The following SPOCK3 variants were observed in gnomAD, a reference collection of about 807,000 sequenced individuals.
SPOCK3 encodes SPARC (osteonectin), cwcv and kazal like domains proteoglycan 3, also known as testican-3.
SPOCK3 carries 30 observed loss-of-function variants against 56.6 expected under a neutral mutation model. That is an observed-to-expected ratio of 0.53 (90% confidence interval 0.40 to 0.72). SPOCK3 has a LOEUF of 0.72. Among genes scored for constraint, SPOCK3 ranks in the 30% least tolerant of loss-of-function variants. The pLI is 0.00. For synonymous variants in SPOCK3, 196 were observed against 183.3 expected, an observed-to-expected ratio of 1.07 and a Z score of -0.56; for missense variants, 527 against 530.0, an observed-to-expected ratio of 0.99 and a Z score of 0.06.
intron 4 of SPOCK3, among the ~76,000 whole-genome samples, chr4:166,930,481 C>A (rs1025302565): frequency 3.1e-5 from 4 of 126,992 alleles, no homozygotes; most frequent in African/African-American, 6.9e-5. Flanking sequence ...CAGTATTCTA[C>A]CCTTGTTAAA....
intron 3 of SPOCK3, among the ~76,000 whole-genome samples, chr4:167,015,344 A>T (rs1750516417): frequency 6.6e-6 from 1 of 152,162 alleles, no homozygotes; most frequent in Admixed American, 6.6e-5. Flanking sequence ...TAAAACTGAG[A>T]CTATTTTGTA....
chr4:167,030,956 G>T (rs548838664), intron 3 of SPOCK3, among the ~76,000 whole-genome samples: 1 of 151,996 alleles, frequency 6.6e-6, no homozygotes, highest in African/African-American at 2.4e-5. Flanking sequence ...CCGTCTGTGA[G>T]ATATTTGTCA....
chr4:167,073,248 A>G (rs948437302), intron 2 of SPOCK3, among the ~76,000 whole-genome samples: 9 of 151,716 alleles, frequency 5.9e-5, no homozygotes, highest in Non-Finnish European at 1.0e-4. Context: ...TATATCATCA[A>G]ATATAAATAC....
At position 166,810,038 on chromosome 4, in the gene SPOCK3, T is replaced by A. The variant is rs565096671; in HGVS notation, c.590-17749A>T. Among the ~76,000 whole-genome samples, 4 of 152,224 alleles carry A rather than the reference T, an allele frequency of 2.6e-5. No individual in the cohort carries two copies. The South Asian group carries it at 8.3e-4, about 32-fold the overall frequency. Reference sequence around the variant, plus strand: ...GGTTTACTTCATTCCTACCCGCTTCTCCATAAAAATTATTAAGCAACCCAA... The same window carrying A: ...GGTTTACTTCATTCCTACCCGCTTCACCATAAAAATTATTAAGCAACCCAA... On this transcript the variant is annotated intron_variant, in intron 6 of 10. Transcript: ENST00000357545.
intron 3 of SPOCK3, among the ~76,000 whole-genome samples, chr4:167,022,799 C>A (rs1482866053): frequency 1.3e-5 from 2 of 151,866 alleles, no homozygotes; most frequent in African/African-American, 4.8e-5. Context: ...ATATGCTGGC[C>A]AGCTGGTTAT....
intron 4 of SPOCK3, among the ~76,000 whole-genome samples, chr4:166,954,748 C>T (rs1299769635): frequency 6.6e-6 from 1 of 152,182 alleles, no homozygotes; most frequent in African/African-American, 2.4e-5. Flanking sequence ...ACTTCCACCA[C>T]AATCCAAATT....
At chr4:167,115,939 T>G (rs1561232644) in intron 2 of SPOCK3, among the ~76,000 whole-genome samples, 1 of 151,994 alleles carries the variant, frequency 6.6e-6, no homozygotes, top group South Asian at 2.1e-4. Flanking sequence ...TCATCAGCAG[T>G]GGGCTCACAT....
Position 166,864,783 on chromosome 4 carries a change from G to C in SPOCK3, c.589+24347C>G, listed in dbSNP as rs144965399. Reference sequence around the variant, plus strand: ...AATAACAAGTTCTGAAATTGAGGCAGTAATTAATAGCCTACCAACAAAAAA... The same window carrying C: ...AATAACAAGTTCTGAAATTGAGGCACTAATTAATAGCCTACCAACAAAAAA... On this transcript the variant is annotated intron_variant, in intron 6 of 10. Transcript: ENST00000357545. 7.1e-4 allele frequency among the ~76,000 whole-genome samples: 108 copies of C among 152,046 alleles called. 1 individual carries two copies. In the East Asian group the frequency reaches 0.019, roughly 27 times the overall value.
intron 4 of SPOCK3, among the ~76,000 whole-genome samples, chr4:166,927,843 C>T (rs4257677): frequency 0.38 from 56,918 of 151,732 alleles, 11,887 homozygotes; most frequent in East Asian, 0.69. Context: ...TGATAAAAGT[C>T]TGTTATTCAA....
Position 166,912,485 on chromosome 4 carries a change from C to G in SPOCK3, c.474+135G>C. ...AATGCACATTGAATCATATTCCAAA[C>G]CAGTGAGATTATTAATTTATTTTAT... On this transcript the variant is annotated intron_variant, in intron 5 of 10. Transcript: ENST00000357545. 4 of 933,272 alleles carry G rather than the reference C, an allele frequency of 4.3e-6. 1 individual carries two copies. The highest frequency in any genetic ancestry group is 6.3e-6 in the Non-Finnish European group (4 of 636,558). The allele number at this position is 933,272 out of a possible 1,614,324, so 57.8% of individuals were successfully genotyped here.
Position 167,000,292 on chromosome 4 carries a change from G to A in SPOCK3, c.350+57C>T. 7.3e-6 allele frequency: 6 copies of A among 823,584 alleles called. No individual in the cohort carries two copies. The South Asian group carries it at 1.0e-4, about 14-fold the overall frequency. The allele number at this position is 823,584 out of a possible 1,614,324, so 51.0% of individuals were successfully genotyped here. A position where few individuals can be genotyped will look rare whatever the true frequency, so the allele number is the denominator to read the frequency against. On this transcript the variant is annotated intron_variant, in intron 4 of 10. Transcript: ENST00000357545. ...CACTGCCAAATATTTATACTCTGCA[G>A]TTATTCCTGGTAAGGAGCGCTGTTC... is the stretch of plus-strand genomic sequence containing the variant.
chr4:166,829,543 C>G (rs1407854911), intron 6 of SPOCK3, among the ~76,000 whole-genome samples: 1 of 152,034 alleles, frequency 6.6e-6, no homozygotes, highest in Non-Finnish European at 1.5e-5. Flanking sequence ...TAAAACAATT[C>G]TAAAAGCACA....
rs1452844894 is a variant in SPOCK3, at chr4:167,191,867, GA to G, written c.189+42117del. ...GATCCTCTCTTGTTCTTGATCTTAG[GA>G]AAAAAACCTTCAGTTTTCACCATTT... is the stretch of plus-strand genomic sequence containing the variant. On this transcript the variant is annotated intron_variant, in intron 2 of 10. Transcript: ENST00000357545. 3.4e-5 allele frequency among the ~76,000 whole-genome samples: 5 copies of G among 145,016 alleles called. 1 individual carries two copies. Among genetic ancestry groups the G allele is most frequent in the African/African-American group, 7.9e-5 (3 of 37,984 alleles).
chr4:167,117,578 C>A (rs970929554), intron 2 of SPOCK3, among the ~76,000 whole-genome samples: 2 of 152,078 alleles, frequency 1.3e-5, no homozygotes, highest in African/African-American at 4.8e-5. Flanking sequence ...AGGGTCGATG[C>A]CGGATTGTGG....
At chr4:166,764,795 C>T (rs28798984) in intron 7 of SPOCK3, among the ~76,000 whole-genome samples, 1 of 151,626 alleles carries the variant, frequency 6.6e-6, no homozygotes, top group Admixed American at 6.6e-5. Context: ...AACTAGTTTA[C>T]AGTCCCAGCA....
intron 2 of SPOCK3, among the ~76,000 whole-genome samples, chr4:167,161,691 C>A (rs1765324200): frequency 6.6e-6 from 1 of 152,044 alleles, no homozygotes; most frequent in Admixed American, 6.6e-5. Context: ...ACATATACAC[C>A]ATGGAATACT....
intron 2 of SPOCK3, among the ~76,000 whole-genome samples, chr4:167,086,677 A>G (rs770051256): frequency 1.3e-5 from 2 of 152,050 alleles, no homozygotes; most frequent in African/African-American, 2.4e-5. Flanking sequence ...TTAAACTGTC[A>G]TTGTATTTTT....
chr4:167,163,764 G>T (rs1765523011), intron 2 of SPOCK3, among the ~76,000 whole-genome samples: 1 of 151,964 alleles, frequency 6.6e-6, no homozygotes, highest in Non-Finnish European at 1.5e-5. Context: ...CTTTATACCA[G>T]ATTTTCCTAA....
intron 4 of SPOCK3, among the ~76,000 whole-genome samples, chr4:166,965,655 T>C (rs1310704680): frequency 1.3e-5 from 2 of 152,034 alleles, no homozygotes; most frequent in African/African-American, 4.8e-5. Context: ...TGAAAAATTA[T>C]TGCCATTAAT....
Sources: allele counts gnomAD v4.1 joint callset (sites outside exome capture counted in the v4.1 genomes callset), GRCh38; gene constraint gnomAD v4.1.1; transcripts MANE v1.5; gene names NCBI Gene and HGNC (gene_info 2026-07-23, HGNC 2026-07-21).